CTCFL: variants seen among roughly 807,000 people sequenced by gnomAD.
CTCFL encodes the protein CCCTC-binding factor like.
A neutral mutation model predicts 67.4 loss-of-function variants in CTCFL; 36 were observed. The ratio of observed to expected loss-of-function variants is 0.53; its 90% CI spans 0.41 to 0.71. CTCFL has a LOEUF of 0.71. CTCFL is among the 30% of genes least tolerant of loss of function. The pLI, the probability that CTCFL is intolerant of heterozygous loss-of-function variation, is 0.00. For synonymous variants in CTCFL, 324 were observed against 302.3 expected, an observed-to-expected ratio of 1.07 and a Z score of -0.75; for missense variants, 786 against 835.2, an observed-to-expected ratio of 0.94 and a Z score of 0.73.
intron 7 of CTCFL, chr20:57,513,900 C>G (rs1230495084): frequency 5.4e-6 from 7 of 1,288,740 alleles, no homozygotes; most frequent in Non-Finnish European, 7.1e-6. Flanking sequence ...CTCGTTCACT[C>G]ACGCTTCCCA....
Position 57,519,208 on chromosome 20 carries a change from T to C in CTCFL, c.924A>G (p.Thr308=), listed in dbSNP as rs1432179140. ...AAACAGCCTTCCCGGCAGTTTTACC[T>C]GTGTGGGTGTTAACATGGTTCCGCA... is the stretch of plus-strand genomic sequence containing the variant. ...TLLRNHVNTH[T]GTRPYKCNDC... is the part of the protein sequence containing the mutation. The change falls in exon 4 of 11, where the codon ACA becomes ACG. Residue 308 remains threonine, a splice_region_variant and synonymous_variant. Transcript: ENST00000243914. 2 of 1,613,856 alleles carry C rather than the reference T, an allele frequency of 1.2e-6. No homozygotes were observed. The highest frequency in any genetic ancestry group is 8.5e-7 in the Non-Finnish European group (1 of 1,179,784).
chr20:57,513,196 A>C lies in CTCFL; in HGVS notation c.1331-444T>G, dbSNP rs2146367210. The stretch of plus-strand genomic sequence containing the variant: ...GTAGGTGAATTTTAGGATGATGTTA[A>C]GGTGGTTTTATATAAAAAGATATAA... On this transcript the variant is annotated intron_variant, in intron 7 of 10. Coordinates refer to ENST00000243914, the MANE Select transcript of CTCFL (RefSeq NM_001386993.1). 2.1e-6 allele frequency: 2 copies of C among 954,492 alleles called. 1 individual carries two copies. The highest frequency in any genetic ancestry group is 9.7e-5 in the South Asian group (2 of 20,676). 59.1% of individuals were successfully genotyped at this position (954,492 alleles called of 1,614,324 possible). A position where few individuals can be genotyped will look rare whatever the true frequency, so the allele number is the denominator to read the frequency against.
chr20:57,506,778 C>T (rs1355529391), intron 9 of CTCFL: 3 of 984,288 alleles, frequency 3.0e-6, no homozygotes, highest in Admixed American at 1.2e-4. Context: ...TTATTTCTTG[C>T]ACCAAAGAGC....
At chr20:57,516,819 T>C (rs932505684) in intron 5 of CTCFL, among the ~76,000 whole-genome samples, 1 of 152,246 alleles carries the variant, frequency 6.6e-6, no homozygotes, top group East Asian at 1.9e-4. Flanking sequence ...TACCTCCCAT[T>C]TGAGCATTCA....
intron 8 of CTCFL, among the ~76,000 whole-genome samples, chr20:57,512,361 T>C (rs535888180): frequency 6.6e-6 from 1 of 152,370 alleles, no homozygotes; most frequent in African/African-American, 2.4e-5. Flanking sequence ...TAACAAAGGC[T>C]TGGCTCTTGT....
At position 57,518,844 on chromosome 20, in the gene CTCFL, T is replaced by G. The variant is rs1250759651; in HGVS notation, c.973A>C (p.Ser325Arg). Residue 325 changes from serine to arginine, a missense_variant, in exon 5 of 11, where the codon AGT (serine) becomes CGT (arginine). By Grantham distance (110) the Ser-to-Arg change is moderately radical (BLOSUM62 -1). This residue lies in a region of CTCFL where 254 missense variants were observed against 333.9 expected (regional missense o/e 0.76). Transcript: ENST00000243914. ...CGCCTGTGTCGGACGAGTTCTCCACTGGTGACAAATGCCATGTTGCAGTCG... is the reference window on the plus strand; with the variant it reads ...CGCCTGTGTCGGACGAGTTCTCCACGGGTGACAAATGCCATGTTGCAGTCG... ...CNDCNMAFVT[S>R]GELVRHRRYK... 5.6e-6 allele frequency: 9 copies of G among 1,614,174 alleles called. No homozygotes were observed. The East Asian group carries it at 2.0e-4, about 36-fold the overall frequency.
chr20:57,496,985 G>C (rs1055992685), downstream of CTCFL, among the ~76,000 whole-genome samples: 4 of 150,516 alleles, frequency 2.7e-5, no homozygotes. Context: ...GGATTGGTGG[G>C]TCAGATACTA....
chr20:57,512,786 A>G, intron 7 of CTCFL, 34 bp from the exon 8 acceptor site: 1 of 1,602,322 alleles, frequency 6.2e-7, no homozygotes, highest in African/African-American at 1.3e-5. Context: ...ATACTTCAAG[A>G]GTGTTGTTTT....
chr20:57,524,646 A>T, intron 1 of CTCFL: 1 of 1,005,952 alleles, frequency 9.9e-7, no homozygotes, highest in Non-Finnish European at 1.2e-6. Context: ...GGGCCTAGCA[A>T]GTTTCAGGTC....
chr20:57,521,921 G>T (rs1378437299), intron 3 of CTCFL, among the ~76,000 whole-genome samples: 1 of 152,228 alleles, frequency 6.6e-6, no homozygotes, highest in Non-Finnish European at 1.5e-5. Context: ...CAGGGGCTAG[G>T]AGGAACAGAG....
At chr20:57,517,172 A>C (rs535673603) in intron 5 of CTCFL, among the ~76,000 whole-genome samples, 1 of 152,326 alleles carries the variant, frequency 6.6e-6, no homozygotes, top group East Asian at 1.9e-4. Context: ...AAAACTGTAT[A>C]GCATGAAAGT....
Position 57,519,235 on chromosome 20 carries a change from C to T in CTCFL, c.897G>A (p.Leu299=). 6.2e-7 allele frequency: 1 copy of T among 1,614,140 alleles called. No individual in the cohort carries two copies. The highest frequency in any genetic ancestry group is 1.1e-5 in the South Asian group (1 of 91,076). ...LCLKTFRTVT[L]LRNHVNTHTG... ...TGTGGGTGTTAACATGGTTCCGCAG[C>T]AGAGTGACCGTACGGAAGGTTTTCA... Residue 299 remains leucine (L), a synonymous_variant, in exon 4 of 11, where the codon CTG becomes CTA. Coordinates refer to ENST00000243914, the MANE Select transcript of CTCFL (RefSeq NM_001386993.1).
rs1235745999 is a variant in CTCFL, at chr20:57,498,432, G to A, written c.*118C>T. ...TTTAGGAATTAGGGGCAGTGAACAT[G>A]CAACCTGACTCTCTCTCACTTATCC... On this transcript the variant is annotated 3_prime_UTR_variant, in exon 11 of 11. Coordinates refer to ENST00000243914, the MANE Select transcript of CTCFL (RefSeq NM_001386993.1). The A allele has an allele frequency of 1.4e-6, 2 of 1,463,272 alleles. No individual in the cohort carries two copies. Among genetic ancestry groups the A allele is most frequent in the South Asian group, 1.6e-5 (1 of 62,730 alleles). The allele number at this position is 1,463,272 out of a possible 1,614,324, so 90.6% of individuals were successfully genotyped here.
At chr20:57,522,842 C>T (rs2069487133) in intron 3 of CTCFL, among the ~76,000 whole-genome samples, 1 of 152,204 alleles carries the variant, frequency 6.6e-6, no homozygotes, top group Admixed American at 6.5e-5. Flanking sequence ...GTGCACAAGG[C>T]TTTGTGGGAA....
intron 10 of CTCFL, among the ~76,000 whole-genome samples, chr20:57,500,883 C>G (rs2067877453): frequency 6.6e-6 from 1 of 152,208 alleles, no homozygotes; most frequent in Non-Finnish European, 1.5e-5. Context: ...AACAAAACCA[C>G]TACATTTAGG....
Position 57,503,619 on chromosome 20 carries a change from C to A in CTCFL, c.1675-18G>T. On this transcript the variant is annotated intron_variant, in intron 9 of 10. Transcript: ENST00000243914. ...AGGTTAATCTGTCGGAGAATTGACA[C>A]AGAACACACAAGGCGAGTGAGATGG... The A allele has an allele frequency of 6.2e-7, 1 of 1,613,598 alleles. No individual in the cohort carries two copies. The highest frequency in any genetic ancestry group is 8.5e-7 in the Non-Finnish European group (1 of 1,179,656).
At chr20:57,517,559 T>A (rs2069016546) in intron 5 of CTCFL, among the ~76,000 whole-genome samples, 1 of 152,098 alleles carries the variant, frequency 6.6e-6, no homozygotes, top group South Asian at 2.1e-4. Flanking sequence ...ATTGCAGGCG[T>A]GAGCCACCGC....
In CTCFL at chr20:57,518,632, A is replaced by G. The variant is rs529143854; in HGVS notation, c.1059+126T>C. On this transcript the variant is annotated intron_variant, in intron 5 of 10. Coordinates refer to ENST00000243914, the MANE Select transcript of CTCFL (RefSeq NM_001386993.1). ...AAAGAGAATGCATATTATTTCCTGC[A>G]TAAATTTTATATGAATAATAAAAAG... is the stretch of plus-strand genomic sequence containing the variant. 141 of 1,569,124 alleles carry G rather than the reference A, an allele frequency of 9.0e-5. No homozygotes were observed. In the African/African-American group the frequency reaches 1.7e-3, roughly 19 times the overall value.
At chr20:57,499,851 C>T (rs2209885) in intron 10 of CTCFL, 1 of 501,506 alleles carries the variant, frequency 2.0e-6, no homozygotes, top group Non-Finnish European at 2.6e-6. Context: ...GGTGATGCGC[C>T]CGATGGGGAG....
Sources: gnomAD v4.1 joint callset for allele counts (sites outside exome capture counted in the v4.1 genomes callset) on GRCh38, gnomAD v4.1.1 for gene constraint, gnomAD v4.1.1 regional missense constraint, MANE v1.5 for transcripts, NCBI Gene and HGNC (gene_info 2026-07-23, HGNC 2026-07-21) for gene names.